NSMCE2: variants seen among roughly 807,000 people sequenced by gnomAD.
The protein encoded by NSMCE2 is E3 SUMO-protein ligase NSE2.
Under a neutral mutation model 23.8 loss-of-function variants are expected in NSMCE2, and 24 were observed. The observed-to-expected ratio is 1.01, with a 90% CI of 0.73 to 1.42. The LOEUF is 1.42. Ranked by LOEUF, NSMCE2 falls within the 40% of genes most tolerant of loss-of-function variation. The pLI is 0.00. For missense variants in NSMCE2, 284 were observed against 296.5 expected (o/e 0.96, Z 0.31); for synonymous variants, 92 against 94.1 (o/e 0.98, Z 0.13).
At position 125,334,417 on chromosome 8, in the gene NSMCE2, A is replaced by T. The variant is rs1267899819; in HGVS notation, c.419-22802A>T. On this transcript the variant is annotated intron_variant, in intron 5 of 7. Transcript: ENST00000287437. Reference sequence around the variant, plus strand: ...TATTCACACAGCAACAGAACAGGGGATCCATGAACGTTGAATTCAGAGAGC... The same window carrying T: ...TATTCACACAGCAACAGAACAGGGGTTCCATGAACGTTGAATTCAGAGAGC... Among the ~76,000 whole-genome samples, 5 of 152,156 alleles carry T rather than the reference A, an allele frequency of 3.3e-5. No homozygotes were observed. In the East Asian group the frequency reaches 9.6e-4, roughly 29 times the overall value.
At chr8:125,260,538 C>T (rs947316468) in intron 5 of NSMCE2, among the ~76,000 whole-genome samples, 8 of 149,264 alleles carry the variant, frequency 5.4e-5, no homozygotes, top group African/African-American at 1.2e-4. Flanking sequence ...CTTTCCTTCT[C>T]GGGGCCTGAG....
At chr8:125,358,498 A>G (rs748462530) in intron 7 of NSMCE2, among the ~76,000 whole-genome samples, 5 of 151,188 alleles carry the variant, frequency 3.3e-5, no homozygotes, top group East Asian at 1.9e-4. Flanking sequence ...AATATATATA[A>G]TATACACACA....
At chr8:125,272,139 G>A (rs889927614) in intron 5 of NSMCE2, among the ~76,000 whole-genome samples, 7 of 148,300 alleles carry the variant, frequency 4.7e-5, no homozygotes, top group Admixed American at 1.4e-4. Context: ...TCAGCCTCCC[G>A]AGTAGCTGGG....
At chr8:125,325,923 G>C (rs1246597067) in intron 5 of NSMCE2, among the ~76,000 whole-genome samples, 3 of 152,138 alleles carry the variant, frequency 2.0e-5, no homozygotes, top group Non-Finnish European at 2.9e-5. Flanking sequence ...CTGTACTCCA[G>C]CCTGGGCAAC....
intron 5 of NSMCE2, among the ~76,000 whole-genome samples, chr8:125,196,919 T>C (rs1258299311): frequency 6.6e-6 from 1 of 152,220 alleles, no homozygotes; most frequent in African/African-American, 2.4e-5. Flanking sequence ...TGGTATCTCA[T>C]TGTGGTTTTG....
intron 4 of NSMCE2, among the ~76,000 whole-genome samples, chr8:125,165,065 A>G (rs1254292038): frequency 6.6e-6 from 1 of 152,226 alleles, no homozygotes; most frequent in Non-Finnish European, 1.5e-5. Context: ...GGATACTGCA[A>G]TTGGAGTCAG....
chr8:125,157,449 T>C (rs1421357928), intron 4 of NSMCE2, among the ~76,000 whole-genome samples: 1 of 152,248 alleles, frequency 6.6e-6, no homozygotes, highest in African/African-American at 2.4e-5. Context: ...AAGTTGACTT[T>C]AGGTATTCAC....
At chr8:125,241,900 T>A (rs1825778933) in intron 5 of NSMCE2, among the ~76,000 whole-genome samples, 2 of 152,226 alleles carry the variant, frequency 1.3e-5, no homozygotes, top group East Asian at 3.9e-4. Flanking sequence ...TCAAGTCTAG[T>A]GGTGTTGACT....
chr8:125,359,227 A>G (rs1474016821), intron 7 of NSMCE2, among the ~76,000 whole-genome samples: 1 of 146,836 alleles, frequency 6.8e-6, no homozygotes, highest in Non-Finnish European at 1.5e-5. Context: ...AGATCATGCC[A>G]CTGCACCCAG....
At chr8:125,179,372 A>C (rs1395845003) in intron 4 of NSMCE2, among the ~76,000 whole-genome samples, 1 of 148,372 alleles carries the variant, frequency 6.7e-6, no homozygotes, top group Non-Finnish European at 1.5e-5. Flanking sequence ...TTCTCCTAAG[A>C]AAAGAGGGGC....
At chr8:125,145,900 T>C (rs1209093674) in intron 3 of NSMCE2, among the ~76,000 whole-genome samples, 1 of 152,200 alleles carries the variant, frequency 6.6e-6, no homozygotes, top group Non-Finnish European at 1.5e-5. Context: ...TTAGTTATTC[T>C]CCTAGCATTC....
chr8:125,161,116 G>T (rs534174661), intron 4 of NSMCE2, among the ~76,000 whole-genome samples: 1 of 152,274 alleles, frequency 6.6e-6, no homozygotes, highest in South Asian at 2.1e-4. Context: ...TTCTTTCATT[G>T]TGCAGTGGAG....
At chr8:125,254,203 G>C (rs995226800) in intron 5 of NSMCE2, among the ~76,000 whole-genome samples, 4 of 152,180 alleles carry the variant, frequency 2.6e-5, no homozygotes, top group African/African-American at 9.6e-5. Flanking sequence ...GAAACACTCT[G>C]TGTTTCAGTC....
chr8:125,238,191 A>G (rs1825633097), intron 5 of NSMCE2, among the ~76,000 whole-genome samples: 1 of 152,146 alleles, frequency 6.6e-6, no homozygotes, highest in African/African-American at 2.4e-5. Flanking sequence ...TGGAAGACAC[A>G]ATGATTTCAA....
In NSMCE2 at chr8:125,199,982, G is replaced by A. The variant is rs568470426; in HGVS notation, c.418+17726G>A. Among the ~76,000 whole-genome samples, 20 of 152,202 alleles carry A rather than the reference G, an allele frequency of 1.3e-4. No individual in the cohort carries two copies. The East Asian group carries it at 3.3e-3, about 25-fold the overall frequency. On this transcript the variant is annotated intron_variant, in intron 5 of 7. Transcript: ENST00000287437. ...TTGGTTTAAAGTCTGTTTTATCCGA[G>A]ACTAGGATTGCAACCCCTGCTTTTC...
intron 5 of NSMCE2, among the ~76,000 whole-genome samples, chr8:125,351,228 A>C (rs930275432): frequency 2.0e-5 from 3 of 152,204 alleles, no homozygotes; most frequent in Non-Finnish European, 2.9e-5. Context: ...CTTGGGGTCC[A>C]ATCAATGCCC....
intron 5 of NSMCE2, among the ~76,000 whole-genome samples, chr8:125,220,566 C>CT (rs1824805080): frequency 6.6e-6 from 1 of 151,636 alleles, no homozygotes; most frequent in East Asian, 1.9e-4. Flanking sequence ...CATATTACAA[C>CT]TTGTTCTCTG....
intron 5 of NSMCE2, among the ~76,000 whole-genome samples, chr8:125,269,160 T>C (rs527559988): frequency 5.9e-5 from 9 of 152,162 alleles, no homozygotes; most frequent in African/African-American, 1.9e-4. Flanking sequence ...CGATCTCGAC[T>C]CACTTCAACC....
At chr8:125,108,996 G>A (rs1818601617) in intron 3 of NSMCE2, among the ~76,000 whole-genome samples, 1 of 152,306 alleles carries the variant, frequency 6.6e-6, no homozygotes, top group African/African-American at 2.4e-5. Flanking sequence ...ACTGTCCACA[G>A]CAGTACTGAG....
Sources: gnomAD v4.1 joint callset for allele counts (sites outside exome capture counted in the v4.1 genomes callset) on GRCh38, gnomAD v4.1.1 for gene constraint, MANE v1.5 for transcripts, NCBI Gene and HGNC (gene_info 2026-07-23, HGNC 2026-07-21) for gene names.